PCNX4: variants seen among roughly 807,000 people sequenced by gnomAD.
PCNX4 encodes pecanex 4, also known as pecanex-like protein 4.
A neutral mutation model predicts 107.2 loss-of-function variants in PCNX4; 103 were observed. The ratio of observed to expected loss-of-function variants is 0.96; its 90% CI spans 0.82 to 1.13. The LOEUF (loss-of-function observed/expected upper bound fraction) is 1.13. Among genes scored for constraint, PCNX4 ranks in the 50% most tolerant of loss-of-function variants. The probability of loss-of-function intolerance (pLI) is 0.00; values close to 1 mark genes in which losing one functional copy is unlikely to be tolerated. For missense variants in PCNX4, 1,528 were observed against 1,379.4 expected (o/e 1.11, Z -1.71); for synonymous variants, 541 against 481.7 (o/e 1.12, Z -1.61).
chr14:60,125,562 GT>G, intron 9 of PCNX4, 74 bp from the exon 10 acceptor site: 1 of 1,119,694 alleles, frequency 8.9e-7, no homozygotes, highest in South Asian at 2.5e-5. Context: ...TAAAATATTG[GT>G]TTAACAAAAT....
intron 9 of PCNX4, 75 bp from the exon 10 acceptor site, chr14:60,125,562 G>A (rs139193491): frequency 0.011 from 12,758 of 1,119,564 alleles, 108 homozygotes; most frequent in Non-Finnish European, 0.013. Context: ...TAAAATATTG[G>A]TTTAACAAAA....
intron 2 of PCNX4, chr14:60,110,114 G>A (rs1274784557): frequency 6.0e-6 from 1 of 167,050 alleles, no homozygotes; most frequent in Admixed American, 6.5e-5. Context: ...GTGTGGGGCT[G>A]GACTGTCCCT....
At chr14:60,110,653 C>A (rs140324773) in intron 2 of PCNX4, 4 of 167,098 alleles carry the variant, frequency 2.4e-5, no homozygotes, top group Non-Finnish European at 5.9e-5. Flanking sequence ...AGATTCACAG[C>A]TGGAGAGGAA....
intron 10 of PCNX4, among the ~76,000 whole-genome samples, chr14:60,126,699 A>C (rs1896061533): frequency 6.6e-6 from 1 of 152,126 alleles, no homozygotes; most frequent in African/African-American, 2.4e-5. Context: ...CAACGTTTTT[A>C]ATCCTGTCCC....
intron 7 of PCNX4, among the ~76,000 whole-genome samples, chr14:60,120,653 T>C (rs1895936756): frequency 6.6e-6 from 1 of 152,194 alleles, no homozygotes; most frequent in Non-Finnish European, 1.5e-5. Flanking sequence ...GTTAAATTGA[T>C]ACAATGTATT....
chr14:60,109,395 C>T (rs1895692326), intron 2 of PCNX4: 1 of 167,094 alleles, frequency 6.0e-6, no homozygotes. Flanking sequence ...GGCTTTGTAA[C>T]TGTTGGTAAT....
In PCNX4 at chr14:60,107,759, T is replaced by G; in HGVS notation, c.121T>G (p.Tyr41Asp). The G allele has an allele frequency of 6.2e-7, 1 of 1,612,702 alleles. No individual in the cohort carries two copies. The highest frequency in any genetic ancestry group is 8.5e-7 in the Non-Finnish European group (1 of 1,179,768). Residue 41 changes from tyrosine (Y) to aspartate (D), a missense_variant, in exon 2 of 11, where the codon TAT (tyrosine) becomes GAT (aspartate). By Grantham distance (160) the Tyr-to-Asp change is radical. Transcript: ENST00000406854. Reference sequence around the variant, plus strand: ...AGGCTATTGTGCCCCTCCTTACATATATGTTAATCAAATTATTCTTTTTCT... The same window carrying G: ...AGGCTATTGTGCCCCTCCTTACATAGATGTTAATCAAATTATTCTTTTTCT... ...KLGYCAPPYI[Y>D]VNQIILFLMP...
chr14:60,123,240 T>G (rs308992), intron 8 of PCNX4, among the ~76,000 whole-genome samples: 38,167 of 152,098 alleles, frequency 0.25, 6,883 homozygotes, highest in African/African-American at 0.5. Flanking sequence ...CTTTTTGGTG[T>G]TACTCTTTTT....
rs144671398 is a variant in PCNX4, at chr14:60,125,190, G to A, written c.3019G>A (p.Val1007Ile). The A allele has an allele frequency of 6.2e-7, 1 of 1,610,168 alleles. No individual in the cohort carries two copies. Among genetic ancestry groups the A allele is most frequent in the African/African-American group, 1.3e-5 (1 of 74,862 alleles). ...RVYGGVLPWS[V>I]ALDWLTEKPE... ...TTACGGTGGTGTTTTGCCTTGGTCT[G>A]TTGCTTTGGACTGGCTCACAGAAAA... The change falls in exon 9 of 11, where the codon GTT (valine) becomes ATT (isoleucine). Residue 1007 changes from valine to isoleucine, a missense_variant. By Grantham distance (29) the Val-to-Ile change is conservative. Transcript: ENST00000406854.
intron 4 of PCNX4, 85 bp from the exon 5 acceptor site, chr14:60,115,634 A>G: frequency 7.2e-7 from 1 of 1,381,902 alleles, no homozygotes; most frequent in East Asian, 2.3e-5. Context: ...ATGTGCTCAT[A>G]AAAAATGTGT....
intron 10 of PCNX4, among the ~76,000 whole-genome samples, chr14:60,132,714 CTG>C (rs1255722480): frequency 6.6e-6 from 1 of 151,796 alleles, no homozygotes; most frequent in Non-Finnish European, 1.5e-5. Context: ...TGATAAGGGA[CTG>C]TTACTAGAAT....
rs182804365 is a variant in PCNX4, at chr14:60,131,527, T to A, written c.3268-2443T>A. On this transcript the variant is annotated intron_variant, in intron 10 of 10. Transcript: ENST00000406854. ...CAGTAGTAGTACAAAGCTTACACTC[T>A]GAAAACTACAAAACATTGTTAAAAG... Among the ~76,000 whole-genome samples, 5 of 152,298 alleles carry A rather than the reference T, an allele frequency of 3.3e-5. No homozygotes were observed. In the East Asian group the frequency reaches 7.7e-4, roughly 24 times the overall value.
intron 2 of PCNX4, among the ~76,000 whole-genome samples, chr14:60,114,339 G>A (rs1431940234): frequency 1.3e-5 from 2 of 152,166 alleles, no homozygotes; most frequent in African/African-American, 4.8e-5. Flanking sequence ...GACATTTAGG[G>A]GAGAAATGTT....
At chr14:60,104,755 TG>T (rs1353867146) in intron 1 of PCNX4, among the ~76,000 whole-genome samples, 2 of 152,098 alleles carry the variant, frequency 1.3e-5, no homozygotes, top group Non-Finnish European at 2.9e-5. Context: ...AAGAACAGTA[TG>T]GGGGAAACCA....
chr14:60,118,242 A>G, intron 6 of PCNX4, 87 bp from the exon 7 acceptor site: 1 of 1,331,412 alleles, frequency 7.5e-7, no homozygotes, highest in Non-Finnish European at 9.7e-7. Context: ...CAATAATAAA[A>G]TTACTGTATA....
chr14:60,132,586 A>T (rs1415548261), intron 10 of PCNX4, among the ~76,000 whole-genome samples: 1 of 152,180 alleles, frequency 6.6e-6, no homozygotes. Flanking sequence ...AGCATGAGAA[A>T]CAAAAGAAAA....
rs557703966 is a variant in PCNX4 at position 60,115,161 on chromosome 14, T to A, written c.1057T>A (p.Trp353Arg). 1 of 1,613,568 alleles carries A rather than the reference T, an allele frequency of 6.2e-7. No individual in the cohort carries two copies. Among genetic ancestry groups the A allele is most frequent in the South Asian group, 1.1e-5 (1 of 91,080 alleles). The change falls in exon 4 of 11, where the codon TGG (tryptophan) becomes AGG (arginine). Residue 353 changes from tryptophan (W) to arginine (R), a missense_variant. Transcript: ENST00000406854. ...LPSGPEKHFS[W>R]KECLFYIIIL... ...CAGTGGTCCGGAAAAACATTTTTCA[T>A]GGAAGGAATGCCTTTTCTACATCAT...
rs137946701 is a variant in PCNX4 at position 60,121,216 on chromosome 14, C to T, written c.1963C>T (p.His655Tyr). 4.5e-4 allele frequency: 694 copies of T among 1,533,962 alleles called. 2 individuals carry two copies. The highest frequency in any genetic ancestry group is 2.1e-3 in the South Asian group (189 of 88,774). ...GSLGLLLPGS[H>Y]YLGRFQDRLM... is the part of the protein sequence containing the mutation. ...TGTAGGTCTCCTCCTACCTGGATCT[C>T]ATTACTTGGGCCGTTTTCAGGATCG... is the stretch of plus-strand genomic sequence containing the variant. Residue 655 changes from histidine to tyrosine, a missense_variant, in exon 8 of 11, where the codon CAT becomes TAT. Physicochemically the swap from His to Tyr is moderately conservative, Grantham distance 83 (BLOSUM62 2). Coordinates refer to ENST00000406854, the MANE Select transcript of PCNX4 (RefSeq NM_001330177.2).
intron 9 of PCNX4, 103 bp downstream of exon 9, chr14:60,125,354 ATTTAC>A (rs1281864153): frequency 2.5e-6 from 3 of 1,222,050 alleles, no homozygotes. Flanking sequence ...GTTTTTTAAA[ATTTAC>A]TTTCTTCAAA....
Sources: allele counts gnomAD v4.1 joint callset (sites outside exome capture counted in the v4.1 genomes callset), GRCh38; gene constraint gnomAD v4.1.1; transcripts MANE v1.5; gene names NCBI Gene and HGNC (gene_info 2026-07-23, HGNC 2026-07-21).